Variants in CIT observed in about 807,000 individuals in gnomAD.
CIT encodes citron rho-interacting serine/threonine kinase.
CIT carries 79 observed loss-of-function variants against 272.7 expected under a neutral mutation model. That is an observed-to-expected ratio of 0.29 (90% CI 0.24 to 0.35). CIT has a LOEUF of 0.35. Ranked by LOEUF, CIT falls within the 10% of genes least tolerant of loss-of-function variation. CIT has a pLI of 1.00. For synonymous variants in CIT, 948 were observed against 995.6 expected (o/e 0.95, Z 0.90); for missense variants, 1,909 against 2,618.3 (o/e 0.73, Z 5.91).
chr12:119,780,496 A>T (rs1964188498), intron 13 of CIT, among the ~76,000 whole-genome samples: 1 of 152,126 alleles, frequency 6.6e-6, no homozygotes, highest in Admixed American at 6.5e-5. Flanking sequence ...GTGCACCTGT[A>T]GTCCCAGCTA....
chr12:119,871,850 C>T (rs930451887), intron 2 of CIT, among the ~76,000 whole-genome samples: 5 of 152,222 alleles, frequency 3.3e-5, no homozygotes, highest in Admixed American at 6.5e-5. Flanking sequence ...GAATGAGACC[C>T]TGGTCCCCAA....
At chr12:119,859,111 T>C (rs1423816745) in intron 3 of CIT, among the ~76,000 whole-genome samples, 1 of 152,192 alleles carries the variant, frequency 6.6e-6, no homozygotes, top group Non-Finnish European at 1.5e-5. Context: ...TCTAATGACC[T>C]GCAGGAATGA....
In CIT at chr12:119,789,195, G is replaced by A. The variant is rs544539274; in HGVS notation, c.1296-4130C>T. On this transcript the variant is annotated intron_variant, in intron 10 of 47. Coordinates refer to ENST00000392521, the MANE Select transcript of CIT (RefSeq NM_001206999.2). ...CAACATTTGTATTAAGCTGCTGAGT[G>A]ATTGTAATGTACAGAAAGGATTAAG... 5.9e-5 allele frequency among the ~76,000 whole-genome samples: 9 copies of A among 152,338 alleles called. No individual in the cohort carries two copies. In the East Asian group the frequency reaches 1.2e-3, roughly 20 times the overall value.
Position 119,713,434 on chromosome 12 carries a change from A to C in CIT, c.4487+34T>G, listed in dbSNP as rs1242180863. The C allele has an allele frequency of 3.7e-6, 6 of 1,604,008 alleles. No individual in the cohort carries two copies. Among genetic ancestry groups the C allele is most frequent in the Non-Finnish European group, 5.1e-6 (6 of 1,174,492 alleles). ...CAGGGACAGAGTGGCTTGTGCCAGC[A>C]CCTGCTCCAGCCCAAGCCACCCTGA... On this transcript the variant is annotated intron_variant, in intron 34 of 47. Coordinates refer to ENST00000392521, the MANE Select transcript of CIT (RefSeq NM_001206999.2). This position sits in a 1 kb window ranked among gnomAD's most constrained non-coding sequence, Gnocchi z 5.2.
intron 2 of CIT, among the ~76,000 whole-genome samples, chr12:119,872,699 A>C (rs1950717247): frequency 1.3e-5 from 2 of 152,186 alleles, no homozygotes; most frequent in South Asian, 4.1e-4. Context: ...GACCAACCAA[A>C]GATGGAGTCT....
At position 119,712,801 on chromosome 12, in the gene CIT, G is replaced by A. The variant is rs764314183; in HGVS notation, c.4580-106C>T. On this transcript the variant is annotated intron_variant, in intron 35 of 47. Transcript: ENST00000392521. This position sits in a 1 kb window ranked among gnomAD's most constrained non-coding sequence, Gnocchi z 5.2. Reference sequence around the variant, plus strand: ...AGCAAGGGAGAGAGAGACAGGGTACGTGTGTAAAGAGAGGCGCACGAGAAC... The same window carrying A: ...AGCAAGGGAGAGAGAGACAGGGTACATGTGTAAAGAGAGGCGCACGAGAAC... The A allele has an allele frequency of 1.6e-5, 14 of 889,408 alleles. No homozygotes were observed. Among genetic ancestry groups the A allele is most frequent in the East Asian group, 2.5e-5 (1 of 39,658 alleles). 55.1% of individuals were successfully genotyped at this position (889,408 alleles called of 1,614,324 possible). A position where few individuals can be genotyped will look rare whatever the true frequency, so the allele number is the denominator to read the frequency against.
In CIT at chr12:119,803,304, G is replaced by C. The variant is rs1338395095; in HGVS notation, c.1197C>G (p.Ser399=). 6.2e-7 allele frequency: 1 copy of C among 1,610,300 alleles called. No homozygotes were observed. Among genetic ancestry groups the C allele is most frequent in the Admixed American group, 1.7e-5 (1 of 59,636 alleles). The change falls in exon 10 of 48, where the codon TCC becomes TCG. Residue 399 remains serine, a synonymous_variant. Transcript: ENST00000392521. ...CTGAGGGGCTCAGCTGGCACGGAGA[G>C]GATGAAACCCACGAATTCTTCTCTG... ...DEPEKNSWVS[S]SPCQLSPSGF...
intron 22 of CIT, among the ~76,000 whole-genome samples, chr12:119,753,280 C>T (rs560285804): frequency 5.3e-5 from 8 of 152,314 alleles, no homozygotes; most frequent in African/African-American, 1.7e-4. Context: ...AACCCAGCTT[C>T]AGAGGGTCGG....
intron 9 of CIT, among the ~76,000 whole-genome samples, chr12:119,822,102 T>C (rs1967770625): frequency 6.6e-6 from 1 of 152,240 alleles, no homozygotes; most frequent in Admixed American, 6.5e-5. Flanking sequence ...ATAACTGCTT[T>C]CCTACTGGCT....
intron 24 of CIT, among the ~76,000 whole-genome samples, chr12:119,736,389 A>T (rs932071773): frequency 1.3e-5 from 2 of 151,430 alleles, no homozygotes; most frequent in African/African-American, 2.4e-5. Context: ...TTATCAATTT[A>T]AAAAAAAATC....
chr12:119,869,257 A>AT (rs1255974218), intron 2 of CIT, 56 bp from the exon 3 acceptor site: 1 of 1,538,072 alleles, frequency 6.5e-7, no homozygotes, highest in African/African-American at 1.4e-5. Context: ...GCTTTGATCA[A>AT]TAACATCCAC....
At position 119,838,197 on chromosome 12, in the gene CIT, G is replaced by A. The variant is rs187946883; in HGVS notation, c.517-3969C>T. Among the ~76,000 whole-genome samples, 520 of 151,872 alleles carry A rather than the reference G, an allele frequency of 3.4e-3. 1 individual carries two copies. Among genetic ancestry groups the A allele is most frequent in the African/African-American group, 0.012 (480 of 41,412 alleles). On this transcript the variant is annotated intron_variant, in intron 5 of 47. Coordinates refer to ENST00000392521, the MANE Select transcript of CIT (RefSeq NM_001206999.2). ...AAGCGATTCTCCTGCCTCAGCCTCC[G>A]GAGTGGCTGGGACTACAGGCATGCG...
intron 10 of CIT, among the ~76,000 whole-genome samples, chr12:119,787,328 G>A (rs1040919663): frequency 6.6e-6 from 1 of 152,068 alleles, no homozygotes; most frequent in Admixed American, 6.6e-5. Context: ...CTACGTGGGA[G>A]GCTGGGGTGG....
At chr12:119,798,881 A>G (rs1161728823) in intron 10 of CIT, among the ~76,000 whole-genome samples, 1 of 152,220 alleles carries the variant, frequency 6.6e-6, no homozygotes, top group South Asian at 2.1e-4. Context: ...AAGATGTCCA[A>G]TTTGTACCAT....
In CIT at chr12:119,728,486, G is replaced by A. The variant is rs762390907; in HGVS notation, c.3591+16C>T. ...AAAAATCCACTTGGCCCTTCTCCCA[G>A]GTATTTCACACTCACCTCTTCCAGA... On this transcript the variant is annotated intron_variant, in intron 28 of 47. Transcript: ENST00000392521. The surrounding 1 kb of genome is among the most constrained non-coding windows in gnomAD (Gnocchi z 4.3). 5.9e-6 allele frequency: 9 copies of A among 1,538,306 alleles called. No individual in the cohort carries two copies. Among genetic ancestry groups the A allele is most frequent in the Non-Finnish European group, 6.2e-6 (7 of 1,129,126 alleles).
At chr12:119,850,044 GAC>G (rs1970101592) in intron 5 of CIT, 128 bp downstream of exon 5, 1 of 729,370 alleles carries the variant, frequency 1.4e-6, no homozygotes, top group Admixed American at 2.2e-5. Context: ...AAACCAGGGA[GAC>G]ACCTGTAAGG....
At chr12:119,827,424 A>G (rs1049982081) in intron 7 of CIT, among the ~76,000 whole-genome samples, 1 of 138,272 alleles carries the variant, frequency 7.2e-6, no homozygotes, top group African/African-American at 2.8e-5. Flanking sequence ...GTTAAAATGC[A>G]CCAACAATAA....
chr12:119,780,223 T>C lies in CIT; in HGVS notation c.1665+2295A>G, dbSNP rs77964027. On this transcript the variant is annotated intron_variant, in intron 13 of 47. Transcript: ENST00000392521. ...GAAGCTGAAATTGCTAGTAATGATC[T>C]AGGAATCAAATTTCACATGAGTCTT... is the stretch of plus-strand genomic sequence containing the variant. Among the ~76,000 whole-genome samples, 48 of 152,308 alleles carry C rather than the reference T, an allele frequency of 3.2e-4. 1 individual carries two copies. The East Asian group carries it at 9.3e-3, about 29-fold the overall frequency.
rs1487917765 is a variant in CIT, at chr12:119,735,354, T to C, written c.2962A>G (p.Ile988Val). ...FDALRNSCTV[I>V]TDLEEQLNQL... Reference sequence around the variant, plus strand: ...TTTAGCTGCTCCTCCAGGTCTGTGATTACCTAAAAGAGGAAAGGAATCCAG... The same window carrying C: ...TTTAGCTGCTCCTCCAGGTCTGTGACTACCTAAAAGAGGAAAGGAATCCAG... Residue 988 changes from isoleucine (I) to valine (V), a missense_variant, in exon 25 of 48, where the codon ATC becomes GTC. Around this residue, in one of 8 missense-constraint regions of CIT, gnomAD observed 530 missense variants for 822.4 expected, o/e 0.64. Coordinates refer to ENST00000392521, the MANE Select transcript of CIT (RefSeq NM_001206999.2). 1 of 1,614,116 alleles carries C rather than the reference T, an allele frequency of 6.2e-7. No individual in the cohort carries two copies. The highest frequency in any genetic ancestry group is 8.5e-7 in the Non-Finnish European group (1 of 1,179,972).
Sources: gnomAD v4.1 joint callset for allele counts (sites outside exome capture counted in the v4.1 genomes callset) on GRCh38, gnomAD v4.1.1 for gene constraint, gnomAD v4.1.1 regional missense constraint, Gnocchi (gnomAD v3.1) non-coding constraint, MANE v1.5 for transcripts, NCBI Gene and HGNC (gene_info 2026-07-23, HGNC 2026-07-21) for gene names.